SOX5: variants seen among roughly 807,000 people sequenced by gnomAD.
The protein encoded by SOX5 is SRY-box transcription factor 5.
A neutral mutation model predicts 92.0 loss-of-function variants in SOX5; 9 were observed. That is an observed-to-expected ratio of 0.10 (90% confidence interval 0.06 to 0.17). SOX5 has a LOEUF of 0.17. SOX5 is among the 10% of genes least tolerant of loss of function. The probability of loss-of-function intolerance (pLI) is 1.00; values close to 1 mark genes in which losing one functional copy is unlikely to be tolerated. For missense variants in SOX5, 642 were observed against 944.5 expected (o/e 0.68, Z 4.20); for synonymous variants, 344 against 336.3 (o/e 1.02, Z -0.25).
intron 5 of SOX5, among the ~76,000 whole-genome samples, chr12:23,739,426 CAAT>C (rs1485422909): frequency 3.3e-5 from 5 of 152,112 alleles, no homozygotes; most frequent in Admixed American, 1.3e-4. Context: ...TCAAGGCCAA[CAAT>C]GAGAATCTAA....
intron 2 of SOX5, among the ~76,000 whole-genome samples, chr12:24,342,230 T>C (rs2141079062): frequency 6.6e-6 from 1 of 152,294 alleles, no homozygotes; most frequent in East Asian, 1.9e-4. Context: ...AAATGAAATG[T>C]TTCTTTGAGC....
At chr12:23,890,377 A>G (rs1341191850) in intron 2 of SOX5, among the ~76,000 whole-genome samples, 1 of 152,194 alleles carries the variant, frequency 6.6e-6, no homozygotes, top group Non-Finnish European at 1.5e-5. Context: ...TAAGGAATCA[A>G]AAGAGAATTT....
At chr12:23,756,188 G>A (rs2094367221) in intron 3 of SOX5, among the ~76,000 whole-genome samples, 2 of 151,254 alleles carry the variant, frequency 1.3e-5, no homozygotes, top group African/African-American at 2.4e-5. Context: ...GTTTAACATC[G>A]TGTGGCGGTA....
chr12:23,840,714 G>A (rs1263043850), intron 3 of SOX5, among the ~76,000 whole-genome samples: 2 of 152,082 alleles, frequency 1.3e-5, no homozygotes, highest in African/African-American at 4.8e-5. Context: ...CAAGGAAAAA[G>A]GCAAGTCAAC....
At chr12:24,398,065 T>C (rs989843651) in intron 1 of SOX5, among the ~76,000 whole-genome samples, 1 of 152,156 alleles carries the variant, frequency 6.6e-6, no homozygotes, top group South Asian at 2.1e-4. Flanking sequence ...TTAGCCAGGA[T>C]GGTCTCTATC....
intron 1 of SOX5, among the ~76,000 whole-genome samples, chr12:24,478,662 T>C (rs1286212284): frequency 3.3e-5 from 5 of 152,188 alleles, no homozygotes; most frequent in Admixed American, 6.5e-5. Context: ...CAAGAAATCT[T>C]TGGAGCATTA....
intron 4 of SOX5, among the ~76,000 whole-genome samples, chr12:24,182,241 G>T (rs1390897462): frequency 2.6e-5 from 4 of 152,180 alleles, no homozygotes; most frequent in African/African-American, 4.8e-5. Context: ...AAAGGATACA[G>T]TATAGAATTT....
intron 2 of SOX5, among the ~76,000 whole-genome samples, chr12:24,348,344 T>C (rs1210125469): frequency 1.4e-5 from 2 of 145,216 alleles, no homozygotes; most frequent in East Asian, 2.0e-4. Context: ...CATGCCTCTA[T>C]GTTGCAGCTC....
chr12:24,325,672 A>G (rs1025416783), intron 2 of SOX5, among the ~76,000 whole-genome samples: 3 of 152,234 alleles, frequency 2.0e-5, no homozygotes, highest in Non-Finnish European at 4.4e-5. Flanking sequence ...AGTGGAAAAG[A>G]CATGTTTTAG....
intron 6 of SOX5, among the ~76,000 whole-genome samples, chr12:23,674,642 A>G (rs1202827667): frequency 6.6e-6 from 1 of 151,980 alleles, no homozygotes; most frequent in Non-Finnish European, 1.5e-5. Flanking sequence ...CCAGCCAAAA[A>G]GGAATAATTT....
intron 1 of SOX5, among the ~76,000 whole-genome samples, chr12:24,521,623 A>G (rs552927261): frequency 1.3e-5 from 2 of 152,216 alleles, no homozygotes; most frequent in Non-Finnish European, 2.9e-5. Flanking sequence ...TTTAATCATA[A>G]TGGAGTGAAA....
intron 4 of SOX5, among the ~76,000 whole-genome samples, chr12:24,159,031 G>T (rs1443127762): frequency 2.0e-5 from 3 of 151,890 alleles, no homozygotes; most frequent in Non-Finnish European, 4.4e-5. Context: ...TTTGAAAAAT[G>T]GCATTAATTT....
chr12:24,352,609 T>C (rs1440169722), intron 2 of SOX5, among the ~76,000 whole-genome samples: 4 of 152,218 alleles, frequency 2.6e-5, no homozygotes, highest in Admixed American at 1.3e-4. Context: ...CAGGCACTGA[T>C]TGGTTTTTTT....
chr12:24,406,338 T>C (rs1208420773), intron 1 of SOX5, among the ~76,000 whole-genome samples: 1 of 152,056 alleles, frequency 6.6e-6, no homozygotes, highest in Non-Finnish European at 1.5e-5. Context: ...CGTGGGTCCA[T>C]CGGAGGGGCC....
chr12:23,997,479 G>A (rs1951144070), intron 4 of SOX5, among the ~76,000 whole-genome samples: 1 of 152,134 alleles, frequency 6.6e-6, no homozygotes, highest in Non-Finnish European at 1.5e-5. Flanking sequence ...AGGGAGAGCT[G>A]AAGAAAGCAC....
At chr12:23,617,460 AGCT>A (rs1343388318) in intron 8 of SOX5, among the ~76,000 whole-genome samples, 18 of 152,332 alleles carry the variant, frequency 1.2e-4, no homozygotes, top group African/African-American at 4.1e-4. Context: ...ATTTATTTAA[AGCT>A]GCTATCACCA....
intron 4 of SOX5, among the ~76,000 whole-genome samples, chr12:23,966,588 A>G (rs1018755086): frequency 1.3e-5 from 2 of 152,188 alleles, no homozygotes; most frequent in Non-Finnish European, 2.9e-5. Flanking sequence ...ATATATATTG[A>G]TTTAGATTAA....
chr12:23,666,924 C>G (rs1479448), intron 6 of SOX5, among the ~76,000 whole-genome samples: 150,090 of 152,284 alleles, frequency 0.99, 74,007 homozygotes, highest in East Asian at 1. Context: ...ACATTCCTAG[C>G]GTTCTTACGA....
chr12:23,561,813 TAAAAAAAAA>T (rs34791864), intron 11 of SOX5, among the ~76,000 whole-genome samples: 3 of 139,062 alleles, frequency 2.2e-5, no homozygotes, highest in Admixed American at 1.4e-4. Flanking sequence ...TTTGGAGGAT[TAAAAAAAAA>T]AAAAAAAAGG....
Sources: gnomAD v4.1 joint callset for allele counts (sites outside exome capture counted in the v4.1 genomes callset) on GRCh38, gnomAD v4.1.1 for gene constraint, MANE v1.5 for transcripts, NCBI Gene and HGNC (gene_info 2026-07-23, HGNC 2026-07-21) for gene names.